ACTN4: variants seen among roughly 807,000 people sequenced by gnomAD.
ACTN4 encodes actinin alpha 4, also known as alpha-actinin-4.
ACTN4 carries 18 observed loss-of-function variants against 114.2 expected under a neutral mutation model. That is an observed-to-expected ratio of 0.16 (90% CI 0.11 to 0.23). The LOEUF is 0.23. Ranked by LOEUF, ACTN4 falls within the 10% of genes least tolerant of loss-of-function variation. ACTN4 has a pLI of 1.00. For missense variants in ACTN4, 722 were observed against 1,262.9 expected (o/e 0.57, Z 6.49); for synonymous variants, 515 against 506.3 (o/e 1.02, Z -0.23).
intron 11 of ACTN4, 114 bp from the exon 12 acceptor site, chr19:38,721,424 G>T: frequency 7.8e-7 from 1 of 1,275,730 alleles, no homozygotes; most frequent in South Asian, 1.2e-5. Flanking sequence ...TCATTGGCAT[G>T]GAAGGATGTG....
Position 38,727,720 on chromosome 19 carries a change from GC to G in ACTN4, c.2338-224del. On this transcript the variant is annotated intron_variant, in intron 18 of 20. Transcript: ENST00000252699. The surrounding 1 kb of genome is among the most constrained non-coding windows in gnomAD (Gnocchi z 5.4). ...TGCTGTGGGCAGAGAGGTCGGGGAG[GC>G]CTCTGCCTTCCTTTGAGCTTCCGAG... The G allele has an allele frequency of 1.7e-6, 1 of 580,796 alleles. No individual in the cohort carries two copies. Among genetic ancestry groups the G allele is most frequent in the South Asian group, 2.0e-5 (1 of 50,164 alleles). 36.0% of individuals were successfully genotyped at this position (580,796 alleles called of 1,614,324 possible). A position where few individuals can be genotyped will look rare whatever the true frequency, so the allele number is the denominator to read the frequency against.
intron 1 of ACTN4, among the ~76,000 whole-genome samples, chr19:38,678,422 G>T (rs550826259): frequency 6.6e-6 from 1 of 152,170 alleles, no homozygotes; most frequent in Non-Finnish European, 1.5e-5. Flanking sequence ...GTTTACTATG[G>T]TGCTGTGTTC....
At chr19:38,672,521 G>T (rs966522496) in intron 1 of ACTN4, among the ~76,000 whole-genome samples, 6 of 151,824 alleles carry the variant, frequency 4.0e-5, no homozygotes, top group African/African-American at 1.5e-4. Flanking sequence ...GATTACAGGT[G>T]TGAGCTACCA....
In ACTN4 at chr19:38,730,547, CTTTTTTTATTTCTCCT is replaced by C; in HGVS notation, c.*1116_*1131del. 14 of 466,386 alleles carry C rather than the reference CTTTTTTTATTTCTCCT, an allele frequency of 3.0e-5. No individual in the cohort carries two copies. Among genetic ancestry groups the C allele is most frequent in the Non-Finnish European group, 3.1e-5 (8 of 259,948 alleles). 28.9% of individuals were successfully genotyped at this position (466,386 alleles called of 1,614,324 possible). On this transcript the variant is annotated 3_prime_UTR_variant, in exon 21 of 21. Transcript: ENST00000252699. ...TTAAGAAGGATTCCTGCAGCATCAT[CTTTTTTTATTTCTCCT>C]GTGTCTGTCCTCCACCTTCTAGGAG... is the stretch of plus-strand genomic sequence containing the variant.
intron 6 of ACTN4, 118 bp downstream of exon 6, chr19:38,708,313 A>C (rs530952081): frequency 8.7e-7 from 1 of 1,143,630 alleles, no homozygotes; most frequent in East Asian, 2.5e-5. Flanking sequence ...TTCTGCACGC[A>C]GATGGGCAGC....
chr19:38,724,162 G>A lies in ACTN4; in HGVS notation c.1698G>A (p.Leu566=). Residue 566 remains leucine (L), a synonymous_variant, in exon 15 of 21, where the codon CTG becomes CTA. Transcript: ENST00000252699. The surrounding 1 kb of genome is among the most constrained non-coding windows in gnomAD (Gnocchi z 7.0). ...IVHTIEEIEG[L]ISAHDQFKST... is the part of the protein sequence containing the mutation. ...CACTCCAGCTCCTCCCCTAGGGCCTGATCTCAGCCCATGACCAGTTCAAGT... is the reference window on the plus strand; with the variant it reads ...CACTCCAGCTCCTCCCCTAGGGCCTAATCTCAGCCCATGACCAGTTCAAGT... 6.2e-7 allele frequency: 1 copy of A among 1,613,872 alleles called. No homozygotes were observed. Among genetic ancestry groups the A allele is most frequent in the South Asian group, 1.1e-5 (1 of 91,084 alleles).
intron 8 of ACTN4, 33 bp downstream of exon 8, chr19:38,710,375 C>T (rs750720442): frequency 9.4e-6 from 15 of 1,604,254 alleles, no homozygotes; most frequent in East Asian, 8.9e-5. Context: ...CCCTCCTCGC[C>T]GCCACCGCGC....
Position 38,725,785 on chromosome 19 carries a change from A to G in ACTN4, c.2072A>G (p.Lys691Arg). The change falls in exon 17 of 21, where the codon AAG becomes AGG. Residue 691 changes from lysine to arginine, a missense_variant. This residue lies in a region of ACTN4 where 523 missense variants were observed against 875.9 expected (regional missense o/e 0.60). Coordinates refer to ENST00000252699, the MANE Select transcript of ACTN4 (RefSeq NM_004924.6). ...CTGGAGGACCAGCTGAGCCACCTGA[A>G]GCAGTATGAACGCAGCATCGTGGAC... ...GTLEDQLSHL[K>R]QYERSIVDYK... 1 of 1,614,188 alleles carries G rather than the reference A, an allele frequency of 6.2e-7. No individual in the cohort carries two copies. Among genetic ancestry groups the G allele is most frequent in the Non-Finnish European group, 8.5e-7 (1 of 1,180,044 alleles).
In ACTN4 at chr19:38,721,626, G is replaced by A; in HGVS notation, c.1380G>A (p.Glu460=). 1 of 1,614,040 alleles carries A rather than the reference G, an allele frequency of 6.2e-7. No homozygotes were observed. Among genetic ancestry groups the A allele is most frequent in the Non-Finnish European group, 8.5e-7 (1 of 1,180,034 alleles). ...KALIRKHEAF[E]SDLAAHQDRV... is the part of the protein sequence containing the mutation. The stretch of plus-strand genomic sequence containing the variant: ...TCATTCGCAAGCACGAGGCCTTCGA[G>A]AGCGACCTGGCTGCGCACCAGGACC... The change falls in exon 12 of 21, where the codon GAG becomes GAA. Residue 460 remains glutamate, a synonymous_variant. Coordinates refer to ENST00000252699, the MANE Select transcript of ACTN4 (RefSeq NM_004924.6).
At chr19:38,654,580 AAAAG>A (rs1318709659) in intron 1 of ACTN4, among the ~76,000 whole-genome samples, 1 of 150,568 alleles carries the variant, frequency 6.6e-6, no homozygotes, top group Non-Finnish European at 1.5e-5. Flanking sequence ...AAAAAAAAGA[AAAAG>A]AAAAGGAGTT....
intron 3 of ACTN4, among the ~76,000 whole-genome samples, chr19:38,702,876 GGAGTATTCTGCTCAGAGGTCAGT>G (rs1426880584): frequency 2.6e-5 from 4 of 152,196 alleles, no homozygotes; most frequent in Admixed American, 2.6e-4. Context: ...AGCCTGCCCT[GGAGTATTCTGCTCAGAGGTCAGT>G]GAGCAGGGTC....
chr19:38,683,282 C>T (rs986611768), intron 1 of ACTN4, among the ~76,000 whole-genome samples: 5 of 152,254 alleles, frequency 3.3e-5, no homozygotes, highest in Middle Eastern at 3.4e-3. Context: ...CATTTTGTTC[C>T]GTGCTGGCTT....
At chr19:38,723,839 C>G in intron 13 of ACTN4, 98 bp from the exon 14 acceptor site, 1 of 1,497,904 alleles carries the variant, frequency 6.7e-7, no homozygotes, top group East Asian at 2.4e-5. Context: ...AGGATGTTCT[C>G]TGACTCCTCA....
In ACTN4 at chr19:38,725,638, G is replaced by C. The variant is rs572351469; in HGVS notation, c.2011-86G>C. ...CCAAAGGGGCCCCGGGGAAGATGCA[G>C]GCCAGCAGCGCGAGTGGGCTCCTCC... On this transcript the variant is annotated intron_variant, in intron 16 of 20. Transcript: ENST00000252699. The C allele has an allele frequency of 1.3e-3, 2,005 of 1,502,848 alleles. 3 individuals carry two copies. Among genetic ancestry groups the C allele is most frequent in the Non-Finnish European group, 1.7e-3 (1,892 of 1,109,688 alleles). 93.1% of individuals were successfully genotyped at this position (1,502,848 alleles called of 1,614,324 possible). A position where few individuals can be genotyped will look rare whatever the true frequency, so the allele number is the denominator to read the frequency against.
intron 7 of ACTN4, 34 bp downstream of exon 7, chr19:38,709,510 C>T: frequency 1.3e-6 from 2 of 1,582,276 alleles, no homozygotes; most frequent in Non-Finnish European, 1.7e-6. Context: ...CACCACTGTG[C>T]TTCCTGATGG....
At chr19:38,682,684 C>T (rs1967615244) in intron 1 of ACTN4, among the ~76,000 whole-genome samples, 1 of 152,180 alleles carries the variant, frequency 6.6e-6, no homozygotes, top group Admixed American at 6.5e-5. Flanking sequence ...CCATGAGGCC[C>T]TCCAAAGGCT....
intron 2 of ACTN4, 83 bp downstream of exon 2, chr19:38,700,797 G>C: frequency 7.0e-7 from 1 of 1,429,620 alleles, no homozygotes; most frequent in East Asian, 2.3e-5. Context: ...TGCCCACCCA[G>C]CTGTCCCATT....
intron 17 of ACTN4, 114 bp downstream of exon 17, chr19:38,726,017 T>C: frequency 7.0e-7 from 1 of 1,429,244 alleles, no homozygotes. Context: ...TTTCACTCTG[T>C]TTAAAAATTA....
In ACTN4 at chr19:38,705,107, C is replaced by G. The variant is rs78078603; in HGVS notation, c.484+87C>G. ...GAAGTGTGATCTTCATGCTTCAAGC[C>G]TCTTCCTGTTTCCTTGGGGTCACTC... is the stretch of plus-strand genomic sequence containing the variant. On this transcript the variant is annotated intron_variant, in intron 4 of 20. Coordinates refer to ENST00000252699, the MANE Select transcript of ACTN4 (RefSeq NM_004924.6). 5.9e-3 allele frequency: 7,525 copies of G among 1,278,678 alleles called. 145 individuals carry two copies. The highest frequency in any genetic ancestry group is 0.054 in the East Asian group (2,307 of 43,058). 79.2% of individuals were successfully genotyped at this position (1,278,678 alleles called of 1,614,324 possible).
Sources: gnomAD v4.1 joint callset for allele counts (sites outside exome capture counted in the v4.1 genomes callset) on GRCh38, gnomAD v4.1.1 for gene constraint, gnomAD v4.1.1 regional missense constraint, Gnocchi (gnomAD v3.1) non-coding constraint, MANE v1.5 for transcripts, NCBI Gene and HGNC (gene_info 2026-07-23, HGNC 2026-07-21) for gene names.